Variants in GCSAML observed in about 807,000 individuals in gnomAD.
The protein encoded by GCSAML is germinal center-associated signaling and motility-like protein.
A neutral mutation model predicts 13.0 loss-of-function variants in GCSAML; 9 were observed. The ratio of observed to expected loss-of-function variants is 0.69; its 90% CI spans 0.42 to 1.21. The LOEUF is 1.21. Among genes scored for constraint, GCSAML ranks in the 50% most tolerant of loss-of-function variants. GCSAML has a pLI of 0.00. For synonymous variants in GCSAML, 37 were observed against 52.9 expected (o/e 0.70, Z 1.31); for missense variants, 143 against 153.4 (o/e 0.93, Z 0.36).
intron 1 of GCSAML, among the ~76,000 whole-genome samples, chr1:247,550,324 G>A (rs1667723450): frequency 6.6e-6 from 1 of 152,118 alleles, no homozygotes; most frequent in Non-Finnish European, 1.5e-5. Flanking sequence ...TAGTCTTTCA[G>A]TAAATTGCTA....
At chr1:247,555,281 A>G (rs1298328579) in intron 1 of GCSAML, among the ~76,000 whole-genome samples, 1 of 152,198 alleles carries the variant, frequency 6.6e-6, no homozygotes, top group Non-Finnish European at 1.5e-5. Context: ...AGGAAGATGG[A>G]ATCGTGAGAA....
At chr1:247,530,522 C>CCCG (rs961972925) in intron 2 of GCSAML, 4 of 140,448 alleles carry the variant, frequency 2.8e-5, no homozygotes, top group Middle Eastern at 3.6e-3. Context: ...TGCCATCCCC[C>CCCG]CCCCACAAAA....
chr1:247,562,249 C>G (rs534677505), intron 2 of GCSAML, among the ~76,000 whole-genome samples: 9 of 152,256 alleles, frequency 5.9e-5, no homozygotes, highest in Admixed American at 5.2e-4. Context: ...ACGCTAAGGT[C>G]TGGCTCCTGG....
At chr1:247,563,292 C>G (rs1158731165) in intron 2 of GCSAML, among the ~76,000 whole-genome samples, 1 of 152,028 alleles carries the variant, frequency 6.6e-6, no homozygotes. Flanking sequence ...TTGAATTGTC[C>G]TAAATTTCAT....
chr1:247,542,876 C>G (rs1667456365), intron 2 of GCSAML, among the ~76,000 whole-genome samples: 1 of 152,130 alleles, frequency 6.6e-6, no homozygotes, highest in Non-Finnish European at 1.5e-5. Context: ...AGAATTTGCC[C>G]CAGATAATCA....
intron 1 of GCSAML, among the ~76,000 whole-genome samples, chr1:247,523,529 AC>A (rs961796105): frequency 6.6e-6 from 1 of 152,074 alleles, no homozygotes; most frequent in African/African-American, 2.4e-5. Context: ...ACATGATCCC[AC>A]CCCCGTGCTT....
intron 2 of GCSAML, chr1:247,538,556 T>C: frequency 3.0e-6 from 1 of 334,954 alleles, no homozygotes; most frequent in Non-Finnish European, 5.9e-6. Flanking sequence ...TATGAGTAAA[T>C]GAGTTTATAA....
chr1:247,532,396 G>A lies in GCSAML; in HGVS notation c.-148+5342G>A, dbSNP rs138226636. On this transcript the variant is annotated intron_variant, in intron 2 of 5. Transcript: ENST00000366489. ...AATGATGATGCCATTGCCCAAGATC[G>A]ATACCATGTAAAAACTCAAGACAAC... 441 of 1,614,066 alleles carry A rather than the reference G, an allele frequency of 2.7e-4. No individual in the cohort carries two copies. In the African/African-American group the frequency reaches 5.4e-3, roughly 20 times the overall value.
At chr1:247,519,805 A>C (rs1295143708) in intron 1 of GCSAML, among the ~76,000 whole-genome samples, 4 of 152,220 alleles carry the variant, frequency 2.6e-5, no homozygotes, top group Admixed American at 2.0e-4. Flanking sequence ...TACTAGAGGA[A>C]AATCTAGGAA....
intron 2 of GCSAML, chr1:247,531,991 C>T: frequency 1.2e-6 from 2 of 1,614,120 alleles, no homozygotes; most frequent in Non-Finnish European, 1.7e-6. Flanking sequence ...GTGGTCGATG[C>T]AATTGTTCCC....
At chr1:247,530,038 G>GGT (rs67714603) in intron 2 of GCSAML, 25,212 of 150,146 alleles carry the variant, frequency 0.17, 2,161 homozygotes, top group Admixed American at 0.2. Context: ...TCCCCCTCAG[G>GGT]GTGTGTGTGT....
chr1:247,540,132 C>A (rs1032015207), intron 2 of GCSAML, among the ~76,000 whole-genome samples: 1 of 152,190 alleles, frequency 6.6e-6, no homozygotes, highest in Admixed American at 6.5e-5. Flanking sequence ...AGTGCAGTGG[C>A]CCAATCTCAG....
At chr1:247,509,222 ATCTCT>A (rs746518381) in intron 1 of GCSAML, among the ~76,000 whole-genome samples, 10 of 152,082 alleles carry the variant, frequency 6.6e-5, no homozygotes, top group Non-Finnish European at 1.5e-4. Flanking sequence ...GGTCCTTCAC[ATCTCT>A]TCTAAGTTGT....
At chr1:247,561,027 C>G in intron 2 of GCSAML, among the ~76,000 whole-genome samples, 1 of 152,064 alleles carries the variant, frequency 6.6e-6, no homozygotes, top group Non-Finnish European at 1.5e-5. Flanking sequence ...GATCTCGGCT[C>G]ACTGCAACCT....
intron 1 of GCSAML, among the ~76,000 whole-genome samples, chr1:247,510,238 T>C (rs1572273535): frequency 6.6e-6 from 1 of 152,334 alleles, no homozygotes; most frequent in African/African-American, 2.4e-5. Context: ...TGAGAAGATG[T>C]ATGTGTCCAG....
chr1:247,563,747 G>T (rs1054298612), intron 3 of GCSAML, 108 bp downstream of exon 3: 17 of 533,946 alleles, frequency 3.2e-5, no homozygotes, highest in African/African-American at 3.1e-4. Flanking sequence ...AGAAGAGGCT[G>T]CTTGGAGTTC....
intron 1 of GCSAML, among the ~76,000 whole-genome samples, chr1:247,516,316 C>T (rs180768739): frequency 6.6e-6 from 1 of 152,330 alleles, no homozygotes; most frequent in African/African-American, 2.4e-5. Flanking sequence ...ATTTAAAAGA[C>T]ACTGGACCCT....
At chr1:247,546,952 G>A (rs76251946), upstream of GCSAML, among the ~76,000 whole-genome samples, 34 of 59,926 alleles carry the variant, frequency 5.7e-4, 1 homozygote, top group African/African-American at 2.2e-3. Flanking sequence ...AAAAAAAAAA[G>A]ATTAGCCTAG....
intron 2 of GCSAML, chr1:247,531,887 C>G: frequency 6.2e-7 from 1 of 1,614,172 alleles, no homozygotes. Context: ...AGAGGCAGGA[C>G]AACAAAGACA....
Sources: gnomAD v4.1 joint callset for allele counts (sites outside exome capture counted in the v4.1 genomes callset) on GRCh38, gnomAD v4.1.1 for gene constraint, MANE v1.5 for transcripts, NCBI Gene and HGNC (gene_info 2026-07-23, HGNC 2026-07-21) for gene names.